MED27: variants seen among roughly 807,000 people sequenced by gnomAD.
The protein encoded by MED27 is mediator complex subunit 27, also known as mediator of RNA polymerase II transcription subunit 27.
MED27 carries 30 observed loss-of-function variants against 38.2 expected under a neutral mutation model. That is an observed-to-expected ratio of 0.79 (90% CI 0.59 to 1.07). The LOEUF (loss-of-function observed/expected upper bound fraction) is 1.07, where lower values mean the gene tolerates loss of function less well. Among genes scored for constraint, MED27 ranks in the 50% least tolerant of loss-of-function variants. MED27 has a pLI of 0.00. For missense variants in MED27, 289 were observed against 397.5 expected, an observed-to-expected ratio of 0.73 and a Z score of 2.32; for synonymous variants, 122 against 153.5, an observed-to-expected ratio of 0.79 and a Z score of 1.52.
Position 131,908,067 on chromosome 9 carries a change from A to G in MED27, c.574-14075T>C, listed in dbSNP as rs1224179366. Among the ~76,000 whole-genome samples, 192 of 146,316 alleles carry G rather than the reference A, an allele frequency of 1.3e-3. 1 individual carries two copies. The highest frequency in any genetic ancestry group is 4.7e-3 in the African/African-American group (184 of 39,030). On this transcript the variant is annotated intron_variant, in intron 4 of 7. Coordinates refer to ENST00000292035, the MANE Select transcript of MED27 (RefSeq NM_004269.4). Reference sequence around the variant, plus strand: ...TGAGGAGTCTCTCCGCCCGGCAGCCACCCGGTCTGGGAAGTGAGGAGCGTC... The same window carrying G: ...TGAGGAGTCTCTCCGCCCGGCAGCCGCCCGGTCTGGGAAGTGAGGAGCGTC...
At chr9:131,986,696 T>A (rs1283898246) in intron 3 of MED27, among the ~76,000 whole-genome samples, 1 of 152,192 alleles carries the variant, frequency 6.6e-6, no homozygotes, top group African/African-American at 2.4e-5. Flanking sequence ...AATATATGTT[T>A]GCACAATGAT....
At chr9:131,986,094 C>A (rs982447045) in intron 3 of MED27, among the ~76,000 whole-genome samples, 10 of 151,952 alleles carry the variant, frequency 6.6e-5, no homozygotes, top group Non-Finnish European at 1.5e-4. Flanking sequence ...ACAAAAGAAT[C>A]AAAAAGTTAA....
chr9:132,043,435 A>T (rs1833264712), intron 2 of MED27, among the ~76,000 whole-genome samples: 1 of 152,106 alleles, frequency 6.6e-6, no homozygotes, highest in African/African-American at 2.4e-5. Context: ...GGGGCTCATA[A>T]CACACGCACA....
At chr9:132,053,256 A>G (rs1426118085) in intron 2 of MED27, among the ~76,000 whole-genome samples, 1 of 150,784 alleles carries the variant, frequency 6.6e-6, no homozygotes, top group Non-Finnish European at 1.5e-5. Flanking sequence ...CCCGTCTCAA[A>G]AAAAAAAAAA....
At chr9:131,961,037 T>C (rs1831204437) in intron 3 of MED27, among the ~76,000 whole-genome samples, 1 of 152,150 alleles carries the variant, frequency 6.6e-6, no homozygotes, top group African/African-American at 2.4e-5. Flanking sequence ...TCATTATGAG[T>C]GGAATTATTC....
chr9:131,959,945 A>T (rs1298462241), intron 3 of MED27, among the ~76,000 whole-genome samples: 1 of 152,186 alleles, frequency 6.6e-6, no homozygotes, highest in Non-Finnish European at 1.5e-5. Context: ...AAGCCTGAGG[A>T]CTAAAGATGA....
At chr9:131,897,657 G>A (rs1175596207) in intron 4 of MED27, among the ~76,000 whole-genome samples, 1 of 152,206 alleles carries the variant, frequency 6.6e-6, no homozygotes, top group East Asian at 1.9e-4. Flanking sequence ...GGAGGTGGAG[G>A]TGACAAGATT....
At chr9:132,026,371 G>A (rs1832818851) in intron 2 of MED27, among the ~76,000 whole-genome samples, 1 of 152,178 alleles carries the variant, frequency 6.6e-6, no homozygotes, top group Non-Finnish European at 1.5e-5. Flanking sequence ...TGGCAAGCAG[G>A]GAGCAGTGAA....
chr9:131,878,489 C>A (rs947329915), intron 6 of MED27, among the ~76,000 whole-genome samples: 2 of 152,006 alleles, frequency 1.3e-5, no homozygotes, highest in African/African-American at 4.8e-5. Context: ...TGGACATCTG[C>A]GGGCTACTTT....
intron 3 of MED27, among the ~76,000 whole-genome samples, chr9:132,009,194 AGCATTTGTAG>A (rs1832430135): frequency 6.6e-6 from 1 of 152,202 alleles, no homozygotes; most frequent in African/African-American, 2.4e-5. Context: ...CATAGAACCA[AGCATTTGTAG>A]GCCCTGAGTA....
chr9:131,906,605 T>A (rs1384054790), intron 4 of MED27, among the ~76,000 whole-genome samples: 1 of 152,200 alleles, frequency 6.6e-6, no homozygotes, highest in Non-Finnish European at 1.5e-5. Flanking sequence ...AGGAACACCT[T>A]CCTGGCTGCT....
chr9:131,993,573 G>A (rs1038623135), intron 3 of MED27, among the ~76,000 whole-genome samples: 30 of 152,208 alleles, frequency 2.0e-4, no homozygotes, highest in African/African-American at 5.8e-4. Flanking sequence ...CCCCCGTTCC[G>A]AGTGGGGGCA....
rs1839078460 is a variant in MED27 at position 131,883,178 on chromosome 9, G to A, written c.723+880C>T. Among the ~76,000 whole-genome samples, 1 of 152,164 alleles carries A rather than the reference G, an allele frequency of 6.6e-6. No individual in the cohort carries two copies. Among genetic ancestry groups the A allele is most frequent in the African/African-American group, 2.4e-5 (1 of 41,438 alleles). ...TACCTTGGCCTCCCAAAGTGCTGGG[G>A]AGTGGACACCTGTTGTTGAGCTGGA... On this transcript the variant is annotated intron_variant, in intron 6 of 7. Coordinates refer to ENST00000292035, the MANE Select transcript of MED27 (RefSeq NM_004269.4). This position sits in a 1 kb window ranked among gnomAD's most constrained non-coding sequence, Gnocchi z 4.2.
intron 6 of MED27, among the ~76,000 whole-genome samples, chr9:131,877,382 A>G (rs1838955113): frequency 6.6e-6 from 1 of 152,178 alleles, no homozygotes; most frequent in East Asian, 1.9e-4. Flanking sequence ...CCTGGCCAAC[A>G]TGGTGAAAAT....
intron 6 of MED27, among the ~76,000 whole-genome samples, chr9:131,874,563 A>T (rs891395514): frequency 6.6e-6 from 1 of 152,138 alleles, no homozygotes; most frequent in Non-Finnish European, 1.5e-5. Flanking sequence ...GATGGGGTGG[A>T]GAAGCAGAGG....
chr9:132,011,600 G>A (rs1832488681), intron 3 of MED27, among the ~76,000 whole-genome samples: 2 of 152,150 alleles, frequency 1.3e-5, no homozygotes, highest in South Asian at 2.1e-4. Flanking sequence ...TCAGGAGTTT[G>A]AGGCTGCAGT....
chr9:131,973,526 C>T (rs1438675092), intron 3 of MED27, among the ~76,000 whole-genome samples: 3 of 140,054 alleles, frequency 2.1e-5, no homozygotes, highest in Non-Finnish European at 3.0e-5. Flanking sequence ...AGCGCGATCT[C>T]GGCTCACTAC....
chr9:131,994,487 G>A (rs571683913), intron 3 of MED27, among the ~76,000 whole-genome samples: 16 of 152,298 alleles, frequency 1.1e-4, no homozygotes, highest in East Asian at 9.7e-4. Flanking sequence ...CCCACTTTAC[G>A]TCTGTTTCAT....
At chr9:131,954,154 A>G (rs1314312132) in intron 3 of MED27, among the ~76,000 whole-genome samples, 1 of 152,154 alleles carries the variant, frequency 6.6e-6, no homozygotes, top group Non-Finnish European at 1.5e-5. Context: ...TATATTGAAG[A>G]AGGAGAAATG....
Sources: allele counts gnomAD v4.1 joint callset (sites outside exome capture counted in the v4.1 genomes callset), GRCh38; gene constraint gnomAD v4.1.1; non-coding constraint Gnocchi (gnomAD v3.1); transcripts MANE v1.5; gene names NCBI Gene and HGNC (gene_info 2026-07-23, HGNC 2026-07-21).